The following ATP9B variants were observed in gnomAD, a reference collection of about 807,000 sequenced individuals.
The protein encoded by ATP9B is ATPase phospholipid transporting 9B.
ATP9B carries 110 observed loss-of-function variants against 146.1 expected under a neutral mutation model. The ratio of observed to expected loss-of-function variants is 0.75; its 90% confidence interval spans 0.65 to 0.88. ATP9B has a LOEUF of 0.88. Ranked by LOEUF, ATP9B falls within the 40% of genes least tolerant of loss-of-function variation. ATP9B has a pLI of 0.00. For synonymous variants in ATP9B, 604 were observed against 569.7 expected (o/e 1.06, Z -0.86); for missense variants, 1,499 against 1,496.4 (o/e 1.00, Z -0.03).
At chr18:79,075,794 G>A (rs192512554) in intron 1 of ATP9B, among the ~76,000 whole-genome samples, 57 of 151,940 alleles carry the variant, frequency 3.8e-4, no homozygotes, top group Non-Finnish European at 6.2e-4. Context: ...TATGTTCAGC[G>A]TAATGTTTAT....
intron 11 of ATP9B, among the ~76,000 whole-genome samples, chr18:79,236,292 T>C (rs952738285): frequency 6.6e-6 from 1 of 152,182 alleles, no homozygotes; most frequent in South Asian, 2.1e-4. Context: ...GACGTCTTGG[T>C]TTGGGAATTT....
chr18:79,348,049 A>C (rs2096900520), intron 24 of ATP9B, 83 bp from the exon 25 acceptor site: 1 of 1,601,846 alleles, frequency 6.2e-7, no homozygotes, highest in South Asian at 1.1e-5. Flanking sequence ...TGTGCTTAGG[A>C]GTTAGCGAGG....
rs3736150 is a variant in ATP9B at position 79,345,758 on chromosome 18, C to T, written c.2618-17C>T. ...ATGGATAAGGTTTTATTTCATCTCA[C>T]TTTTCTTGCTTCGCAGGTGATGGAG... On this transcript the variant is annotated splice_polypyrimidine_tract_variant and intron_variant, in intron 22 of 29. Transcript: ENST00000426216. 1 of 1,614,076 alleles carries T rather than the reference C, an allele frequency of 6.2e-7. No homozygotes were observed. Among genetic ancestry groups the T allele is most frequent in the Admixed American group, 1.7e-5 (1 of 60,012 alleles).
chr18:79,289,393 C>T (rs1218654975), intron 13 of ATP9B, among the ~76,000 whole-genome samples: 1 of 152,166 alleles, frequency 6.6e-6, no homozygotes, highest in Non-Finnish European at 1.5e-5. Context: ...ACCCTTTCTT[C>T]CAGTTGATCA....
chr18:79,116,939 T>TTAAAAAAAAAAAAAAAAAAAAAAAAAA (rs2094091585), intron 4 of ATP9B, among the ~76,000 whole-genome samples: 1 of 77,970 alleles, frequency 1.3e-5, no homozygotes, highest in Non-Finnish European at 2.6e-5. Context: ...AAAAAAAAAA[T>TTAAAAAAAAAAAAAAAAAAAAAAAAAA]TAAAAAAAAA....
At chr18:79,226,260 C>T (rs761758164) in intron 11 of ATP9B, among the ~76,000 whole-genome samples, 4 of 152,228 alleles carry the variant, frequency 2.6e-5, no homozygotes, top group Non-Finnish European at 4.4e-5. Flanking sequence ...TGCTCTGTGG[C>T]GAGCCCCAGC....
In ATP9B at chr18:79,239,980, G is replaced by T. The variant is rs529359186; in HGVS notation, c.1108-13401G>T. On this transcript the variant is annotated intron_variant, in intron 11 of 29. Transcript: ENST00000426216. This position sits in a 1 kb window ranked among gnomAD's most constrained non-coding sequence, Gnocchi z 5.1. ...CACGCCTCAGGGGCCCCACACCCGC[G>T]GTCTCTTCCTAGAGCTGCAGTCCCA... 6.6e-6 allele frequency among the ~76,000 whole-genome samples: 1 copy of T among 152,106 alleles called. No individual in the cohort carries two copies. Among genetic ancestry groups the T allele is most frequent in the South Asian group, 2.1e-4 (1 of 4,826 alleles).
At chr18:79,352,173 A>G (rs1398406841) in intron 25 of ATP9B, among the ~76,000 whole-genome samples, 1 of 152,250 alleles carries the variant, frequency 6.6e-6, no homozygotes, top group Non-Finnish European at 1.5e-5. Context: ...ACACAGCGCC[A>G]CATCATAGCA....
rs1030059972 is a variant in ATP9B at position 79,297,765 on chromosome 18, G to A, written c.1412-5839G>A. On this transcript the variant is annotated intron_variant, in intron 13 of 29. Coordinates refer to ENST00000426216, the MANE Select transcript of ATP9B (RefSeq NM_198531.5). The stretch of plus-strand genomic sequence containing the variant: ...TCAGGGACTTAGGATTTCATGTTTC[G>A]CCTTGATAAGACTCTACACTGTCGT... Among the ~76,000 whole-genome samples, 10 of 112,734 alleles carry A rather than the reference G, an allele frequency of 8.9e-5. 2 individuals carry two copies. Among genetic ancestry groups the A allele is most frequent in the African/African-American group, 3.2e-4 (10 of 31,720 alleles). The allele number at this position is 112,734 out of a possible 152,430, so 74.0% of individuals were successfully genotyped here.
chr18:79,210,277 G>A (rs1021528871), intron 10 of ATP9B, among the ~76,000 whole-genome samples: 2 of 152,236 alleles, frequency 1.3e-5, no homozygotes, highest in East Asian at 3.8e-4. Context: ...TCACAAAACT[G>A]GAAGGAAAGC....
intron 13 of ATP9B, among the ~76,000 whole-genome samples, chr18:79,284,958 T>G (rs1251699086): frequency 6.6e-6 from 1 of 152,218 alleles, no homozygotes; most frequent in African/African-American, 2.4e-5. Flanking sequence ...ACTCATCATT[T>G]TTTCTGGCTG....
chr18:79,252,871 G>C (rs755683494), intron 11 of ATP9B, among the ~76,000 whole-genome samples: 1 of 145,240 alleles, frequency 6.9e-6, no homozygotes, highest in Non-Finnish European at 1.5e-5. Context: ...CATACATACT[G>C]TCCTGTTCTT....
chr18:79,274,498 G>A (rs1425684905), intron 12 of ATP9B, among the ~76,000 whole-genome samples: 1 of 152,026 alleles, frequency 6.6e-6, no homozygotes, highest in Non-Finnish European at 1.5e-5. Flanking sequence ...TGCCCTATGT[G>A]GTAGTATATG....
intron 2 of ATP9B, among the ~76,000 whole-genome samples, chr18:79,100,955 G>T (rs953410993): frequency 6.6e-6 from 1 of 152,172 alleles, no homozygotes; most frequent in Non-Finnish European, 1.5e-5. Context: ...CCCACAACAG[G>T]TGGGAATTGT....
At chr18:79,311,293 G>T (rs181597155) in intron 15 of ATP9B, among the ~76,000 whole-genome samples, 1 of 152,162 alleles carries the variant, frequency 6.6e-6, no homozygotes, top group South Asian at 2.1e-4. Flanking sequence ...GGCGAATGCT[G>T]AAGTTTGATA....
At chr18:79,307,984 C>T (rs779000334) in intron 15 of ATP9B, among the ~76,000 whole-genome samples, 2 of 152,010 alleles carry the variant, frequency 1.3e-5, no homozygotes, top group Non-Finnish European at 2.9e-5. Flanking sequence ...TTGGTGGGGG[C>T]AGGGCGTACC....
chr18:79,190,652 T>C (rs939743114), intron 8 of ATP9B, among the ~76,000 whole-genome samples: 1 of 152,048 alleles, frequency 6.6e-6, no homozygotes, highest in Non-Finnish European at 1.5e-5. Flanking sequence ...CAACCAGTTT[T>C]CTCCTGCTTT....
chr18:79,125,110 A>G (rs1201187750), intron 4 of ATP9B, among the ~76,000 whole-genome samples: 1 of 152,160 alleles, frequency 6.6e-6, no homozygotes, highest in African/African-American at 2.4e-5. Flanking sequence ...GTGGAAGGAA[A>G]TTGTGGCAAG....
chr18:79,175,604 G>T (rs200817534), intron 7 of ATP9B, among the ~76,000 whole-genome samples: 3 of 152,138 alleles, frequency 2.0e-5, no homozygotes, highest in African/African-American at 7.2e-5. Flanking sequence ...TGCGTACATA[G>T]GTACACTTGT....
Sources: allele counts gnomAD v4.1 joint callset (sites outside exome capture counted in the v4.1 genomes callset), GRCh38; gene constraint gnomAD v4.1.1; non-coding constraint Gnocchi (gnomAD v3.1); transcripts MANE v1.5; gene names NCBI Gene and HGNC (gene_info 2026-07-23, HGNC 2026-07-21).